FAM13B: variants seen among roughly 807,000 people sequenced by gnomAD.
FAM13B encodes the protein protein FAM13B.
A neutral mutation model predicts 117.3 loss-of-function variants in FAM13B; 60 were observed. The observed-to-expected ratio is 0.51, with a 90% CI of 0.42 to 0.63. The LOEUF is 0.63. Ranked by LOEUF, FAM13B falls within the 30% of genes least tolerant of loss-of-function variation. The pLI, the probability that FAM13B is intolerant of heterozygous loss-of-function variation, is 0.00. For synonymous variants in FAM13B, 332 were observed against 356.1 expected, an observed-to-expected ratio of 0.93 and a Z score of 0.76; for missense variants, 972 against 1,091.9, an observed-to-expected ratio of 0.89 and a Z score of 1.55.
chr5:138,016,040 T>C (rs1372175842), intron 4 of FAM13B, among the ~76,000 whole-genome samples: 1 of 152,252 alleles, frequency 6.6e-6, no homozygotes, highest in African/African-American at 2.4e-5. Flanking sequence ...AATTTTTGCA[T>C]ATCTTAAATT....
intron 4 of FAM13B, among the ~76,000 whole-genome samples, chr5:138,013,939 G>A (rs1561531157): frequency 2.6e-5 from 4 of 152,002 alleles, no homozygotes; most frequent in South Asian, 2.1e-4. Flanking sequence ...TTCTGTGAGC[G>A]CAGAGATATT....
chr5:138,032,790 C>G lies in FAM13B; in HGVS notation c.-211G>C. ...CCCGCCCGTTTACCTACCGTTGGAA[C>G]CGCGATGCCCCGTTCCCTGGCCGCG... On this transcript the variant is annotated 5_prime_UTR_variant, in exon 1 of 24. Transcript: ENST00000689681. 1 of 985,790 alleles carries G rather than the reference C, an allele frequency of 1.0e-6. No individual in the cohort carries two copies. The highest frequency in any genetic ancestry group is 1.2e-6 in the Non-Finnish European group (1 of 829,972). The allele number at this position is 985,790 out of a possible 1,614,324, so 61.1% of individuals were successfully genotyped here. A position where few individuals can be genotyped will look rare whatever the true frequency, so the allele number is the denominator to read the frequency against.
Position 137,942,965 on chromosome 5 carries a change from G to GTTTTCTAATGAA in FAM13B, c.2497_2498insTTCATTAGAAAA (p.Ser833delinsPheHisTer). 1 of 1,613,328 alleles carries GTTTTCTAATGAA rather than the reference G, an allele frequency of 6.2e-7. No homozygotes were observed. Among genetic ancestry groups the GTTTTCTAATGAA allele is most frequent in the Non-Finnish European group, 8.5e-7 (1 of 1,179,502 alleles). On this transcript the variant is annotated stop_gained and protein_altering_variant, in exon 22 of 24. Coordinates refer to ENST00000689681, the MANE Select transcript of FAM13B (RefSeq NM_001385994.1). LOFTEE classifies it high-confidence loss of function. ...ATCAGATTCAGAGTTTTCTAATGAAGACTGTACCTGTACTGCAGTTTTCAA... is the reference window on the plus strand; with the variant it reads ...ATCAGATTCAGAGTTTTCTAATGAAGTTTTCTAATGAAACTGTACCTGTACTGCAGTTTTCAA...
intron 2 of FAM13B, chr5:138,020,005 T>A: frequency 1.0e-6 from 1 of 980,380 alleles, no homozygotes; most frequent in Non-Finnish European, 1.2e-6. Flanking sequence ...AAAAAAGAAA[T>A]TTTTCATTTC....
chr5:137,968,311 C>T (rs898867948), intron 10 of FAM13B, among the ~76,000 whole-genome samples: 1 of 148,468 alleles, frequency 6.7e-6, no homozygotes, highest in Non-Finnish European at 1.5e-5. Flanking sequence ...TGTGGTGGCA[C>T]ACACTTTTAA....
At chr5:137,984,768 T>G (rs994087498) in intron 10 of FAM13B, among the ~76,000 whole-genome samples, 2 of 93,814 alleles carry the variant, frequency 2.1e-5, no homozygotes, top group Non-Finnish European at 4.8e-5. Flanking sequence ...AATAAGTTGT[T>G]TTTTTTTTTC....
chr5:137,979,932 C>A (rs377335920), intron 10 of FAM13B, among the ~76,000 whole-genome samples: 1 of 148,498 alleles, frequency 6.7e-6, no homozygotes, highest in Non-Finnish European at 1.5e-5. Context: ...GAGGCCAAGG[C>A]GCGAGGATCA....
At chr5:138,011,206 T>G (rs76326779) in intron 5 of FAM13B, 57 bp from the exon 6 acceptor site, 1 of 1,504,090 alleles carries the variant, frequency 6.6e-7, no homozygotes, top group Non-Finnish European at 9.0e-7. Context: ...CAGGTAAAGG[T>G]AGAAGACAAC....
chr5:137,979,567 C>A (rs540012218), intron 10 of FAM13B, among the ~76,000 whole-genome samples: 1 of 152,304 alleles, frequency 6.6e-6, no homozygotes, highest in South Asian at 2.1e-4. Flanking sequence ...CCAGAATTAT[C>A]TTCTACTATA....
chr5:137,985,212 G>A (rs753084554), intron 10 of FAM13B, 45 bp downstream of exon 10: 15 of 1,586,220 alleles, frequency 9.5e-6, no homozygotes, highest in Non-Finnish European at 1.3e-5. Flanking sequence ...AACACATGAA[G>A]CAATCAAAGT....
At chr5:138,039,341 T>C (rs1419576906) in intron 1 of FAM13B, 2 of 152,236 alleles carry the variant, frequency 1.3e-5, no homozygotes, top group East Asian at 3.8e-4. Flanking sequence ...TGCTGCCTTT[T>C]TAACCAGAAA....
chr5:137,984,443 T>C (rs1000557094), intron 10 of FAM13B, among the ~76,000 whole-genome samples: 22 of 152,300 alleles, frequency 1.4e-4, no homozygotes, highest in Admixed American at 1.4e-3. Context: ...CCCAACACCC[T>C]TTTTTCCTTT....
At chr5:138,029,328 T>C (rs7704130) in intron 1 of FAM13B, among the ~76,000 whole-genome samples, 2,140 of 152,306 alleles carry the variant, frequency 0.014, 39 homozygotes, top group African/African-American at 0.047. Flanking sequence ...AGTGAAAATT[T>C]TGTTTAAAAT....
chr5:137,991,750 C>T (rs1390568555), intron 7 of FAM13B, among the ~76,000 whole-genome samples: 1 of 152,258 alleles, frequency 6.6e-6, no homozygotes, highest in East Asian at 1.9e-4. Context: ...TGGCCCCAAC[C>T]TCACACATGA....
At chr5:138,018,223 T>G in intron 4 of FAM13B, 79 bp downstream of exon 4, 1 of 1,139,110 alleles carries the variant, frequency 8.8e-7, no homozygotes, top group Non-Finnish European at 1.3e-6. Context: ...ACTTACTGTT[T>G]ACATGTCAAG....
chr5:137,969,625 C>G (rs1445695888), intron 10 of FAM13B, among the ~76,000 whole-genome samples: 3 of 152,248 alleles, frequency 2.0e-5, no homozygotes, highest in African/African-American at 7.2e-5. Context: ...ACTTTGACGA[C>G]CTGAGAGAAG....
intron 6 of FAM13B, among the ~76,000 whole-genome samples, chr5:138,009,352 CA>C (rs2150872051): frequency 6.6e-6 from 1 of 152,194 alleles, no homozygotes; most frequent in African/African-American, 2.4e-5. Context: ...GTGAAAATCT[CA>C]AATGATAGAT....
At chr5:137,970,788 A>T (rs1163823655) in intron 10 of FAM13B, among the ~76,000 whole-genome samples, 1 of 152,090 alleles carries the variant, frequency 6.6e-6, no homozygotes, top group East Asian at 1.9e-4. Flanking sequence ...AATGGAAAAC[A>T]AAAAAAGGCA....
At position 138,018,972 on chromosome 5, in the gene FAM13B, T is replaced by C. The variant is rs1206783467; in HGVS notation, c.140A>G (p.Asp47Gly). 6.2e-7 allele frequency: 1 copy of C among 1,614,056 alleles called. No individual in the cohort carries two copies. Among genetic ancestry groups the C allele is most frequent in the South Asian group, 1.1e-5 (1 of 91,062 alleles). ...EVPFIVRHVV[D>G]YIEEHGGLEQ... Reference sequence around the variant, plus strand: ...ATGTATACCATGTTCCTCAATATAGTCCACAACGTGGCGGACTATGAATGG... The same window carrying C: ...ATGTATACCATGTTCCTCAATATAGCCCACAACGTGGCGGACTATGAATGG... Residue 47 changes from aspartate (D) to glycine (G), a missense_variant, in exon 3 of 24, where the codon GAC (aspartate) becomes GGC (glycine). Asp to Gly is a moderately conservative substitution (Grantham distance 94). Transcript: ENST00000689681.
Sources: allele counts gnomAD v4.1 joint callset (sites outside exome capture counted in the v4.1 genomes callset), GRCh38; gene constraint gnomAD v4.1.1; transcripts MANE v1.5; gene names NCBI Gene and HGNC (gene_info 2026-07-23, HGNC 2026-07-21).